The following FAM221A variants were observed in gnomAD, a reference collection of about 807,000 sequenced individuals.
The protein encoded by FAM221A is protein FAM221A.
In FAM221A, 43 loss-of-function variants were observed where a neutral mutation model predicts 37.6. The observed-to-expected ratio is 1.15, with a 90% CI of 0.90 to 1.48. The LOEUF is 1.48. Among genes scored for constraint, FAM221A ranks in the 40% most tolerant of loss-of-function variants. The pLI is 0.00. For synonymous variants in FAM221A, 135 were observed against 132.9 expected (o/e 1.02, Z -0.11); for missense variants, 361 against 361.5 (o/e 1.00, Z 0.01).
chr7:23,691,437 C>A lies in FAM221A; in HGVS notation c.478C>A (p.Gln160Lys). The change falls in exon 4 of 7, where the codon CAG becomes AAG. Residue 160 changes from glutamine (Q) to lysine (K), a missense_variant. Coordinates refer to ENST00000344962, the MANE Select transcript of FAM221A (RefSeq NM_199136.5). Reference sequence around the variant, plus strand: ...TAGCTGCTTCACTTGTGCTTGTGGTCAGCCTGCATATGCCCATGACACAGT... The same window carrying A: ...TAGCTGCTTCACTTGTGCTTGTGGTAAGCCTGCATATGCCCATGACACAGT... The part of the protein sequence containing the change: ...FHSCFTCACG[Q>K]PAYAHDTVVE... 6.2e-7 allele frequency: 1 copy of A among 1,614,150 alleles called. No individual in the cohort carries two copies. The highest frequency in any genetic ancestry group is 1.1e-5 in the South Asian group (1 of 91,062).
intron 4 of FAM221A, chr7:23,692,258 G>A (rs1157885275): frequency 1.2e-6 from 1 of 841,292 alleles, no homozygotes; most frequent in East Asian, 1.4e-4. Context: ...ACACAGGTGT[G>A]TAAGTTTTTT....
chr7:23,683,781 A>G (rs4281026), intron 1 of FAM221A, among the ~76,000 whole-genome samples: 27 of 152,298 alleles, frequency 1.8e-4, no homozygotes, highest in Admixed American at 1.6e-3. Context: ...TGGGCTGCCT[A>G]TTCTCGTGGC....
At chr7:23,694,534 A>G (rs1398979604) in intron 4 of FAM221A, 1 of 152,240 alleles carries the variant, frequency 6.6e-6, no homozygotes, top group East Asian at 1.9e-4. Context: ...AATGATGATG[A>G]TGATCATGTT....
chr7:23,688,050 T>A (rs1448748753), intron 2 of FAM221A: 1 of 152,022 alleles, frequency 6.6e-6, no homozygotes, highest in Non-Finnish European at 1.5e-5. Flanking sequence ...TGCATTTCTT[T>A]TTTTTTTCTT....
At chr7:23,682,660 A>G (rs2128033358) in intron 1 of FAM221A, among the ~76,000 whole-genome samples, 2 of 152,006 alleles carry the variant, frequency 1.3e-5, no homozygotes, top group East Asian at 3.9e-4. Flanking sequence ...CCTGACCTCA[A>G]GTGATCCTCC....
intron 4 of FAM221A, among the ~76,000 whole-genome samples, chr7:23,697,630 A>G (rs1584283814): frequency 6.6e-6 from 1 of 152,208 alleles, no homozygotes; most frequent in East Asian, 1.9e-4. Flanking sequence ...TATAACTATT[A>G]TATATTAGGG....
chr7:23,697,208 G>T (rs1180694642), intron 4 of FAM221A, among the ~76,000 whole-genome samples: 2 of 152,212 alleles, frequency 1.3e-5, no homozygotes, highest in Admixed American at 6.5e-5. Context: ...GTTCCCACAT[G>T]CCCCATGGAA....
At chr7:23,690,319 C>T (rs2128042250) in intron 3 of FAM221A, among the ~76,000 whole-genome samples, 1 of 151,132 alleles carries the variant, frequency 6.6e-6, no homozygotes. Flanking sequence ...ATGCTCCTGC[C>T]TCAGCCTCCC....
At chr7:23,690,198 TA>T (rs61211760) in intron 3 of FAM221A, among the ~76,000 whole-genome samples, 879 of 34,674 alleles carry the variant, frequency 0.025, 11 homozygotes, top group African/African-American at 0.074. Context: ...TATATATATA[TA>T]TTTTTTTTTT....
chr7:23,689,228 C>T (rs1360162973), intron 2 of FAM221A, 41 bp from the exon 3 acceptor site: 1 of 1,300,746 alleles, frequency 7.7e-7, no homozygotes, highest in Non-Finnish European at 1.1e-6. Context: ...TTGATAATAC[C>T]TGTATTGTGT....
intron 4 of FAM221A, chr7:23,692,883 G>C (rs1784833759): frequency 2.7e-6 from 1 of 370,804 alleles, no homozygotes; most frequent in Non-Finnish European, 3.7e-6. Flanking sequence ...TGGTAGGCTA[G>C]GTTTGAACTC....
chr7:23,702,178 A>G lies in FAM221A; in HGVS notation c.*14A>G. On this transcript the variant is annotated 3_prime_UTR_variant, in exon 7 of 7. Transcript: ENST00000344962. ...AAACCTTCATGAAGACTATTGGAGA[A>G]ATTAAAACCATCATCCAAGTATCTT... 6.6e-7 allele frequency: 1 copy of G among 1,519,384 alleles called. No individual in the cohort carries two copies. Among genetic ancestry groups the G allele is most frequent in the Non-Finnish European group, 8.9e-7 (1 of 1,117,416 alleles). 94.1% of individuals were successfully genotyped at this position (1,519,384 alleles called of 1,614,324 possible). A position where few individuals can be genotyped will look rare whatever the true frequency, so the allele number is the denominator to read the frequency against.
intron 4 of FAM221A, 59 bp downstream of exon 4, chr7:23,691,655 A>G: frequency 7.3e-7 from 1 of 1,371,228 alleles, no homozygotes; most frequent in Non-Finnish European, 1.0e-6. Flanking sequence ...TGCTAACAAT[A>G]GTGAAGCCTT....
chr7:23,693,889 T>C (rs962466336), intron 4 of FAM221A: 1 of 152,220 alleles, frequency 6.6e-6, no homozygotes, highest in African/African-American at 2.4e-5. Context: ...GTTTGTTACA[T>C]AGGTATACAT....
chr7:23,700,618 C>G (rs867545002), intron 5 of FAM221A, among the ~76,000 whole-genome samples, 168 bp from the exon 6 acceptor site: 1 of 152,254 alleles, frequency 6.6e-6, no homozygotes, highest in South Asian at 2.1e-4. Context: ...CCTGTGATGC[C>G]ATTCTCTCTA....
intron 4 of FAM221A, chr7:23,693,421 T>C (rs59865844): frequency 0.48 from 72,805 of 151,868 alleles, 18,319 homozygotes; most frequent in South Asian, 0.68. Flanking sequence ...CTTTTCATAT[T>C]TATTGGCCAT....
intron 1 of FAM221A, 30 bp downstream of exon 1, chr7:23,680,313 C>T (rs761919007): frequency 1.3e-5 from 20 of 1,508,920 alleles, no homozygotes; most frequent in Non-Finnish European, 1.7e-5. Flanking sequence ...CCTGCCCCCC[C>T]GCCGCTCCGA....
chr7:23,691,326 A>T, intron 3 of FAM221A, 64 bp from the exon 4 acceptor site: 1 of 1,524,534 alleles, frequency 6.6e-7, no homozygotes, highest in Non-Finnish European at 9.1e-7. Context: ...TGCCAGGCTA[A>T]GTGTCTTTAG....
chr7:23,698,231 C>G lies in FAM221A; in HGVS notation c.677C>G (p.Ala226Gly). The G allele has an allele frequency of 6.3e-7, 1 of 1,597,626 alleles. No homozygotes were observed. The highest frequency in any genetic ancestry group is 1.1e-5 in the South Asian group (1 of 88,648). Residue 226 changes from alanine (A) to glycine (G), a missense_variant, in exon 5 of 7, where the codon GCA becomes GGA. Ala to Gly is a moderately conservative substitution (Grantham distance 60). Transcript: ENST00000344962. The part of the protein sequence containing the change: ...SVEFLESPIT[A>G]VDSPFLKAFQ... ...GAATTTTTAGAATCTCCCATTACGG[C>G]AGTAGACAGCCCATTCCTAAAAGCA... is the stretch of plus-strand genomic sequence containing the variant.
Sources: allele counts gnomAD v4.1 joint callset (sites outside exome capture counted in the v4.1 genomes callset), GRCh38; gene constraint gnomAD v4.1.1; transcripts MANE v1.5; gene names NCBI Gene and HGNC (gene_info 2026-07-23, HGNC 2026-07-21).